Variants in TBC1D23 observed in about 807,000 individuals in gnomAD.
TBC1D23 encodes HCV non-structural protein 4A-transactivated protein 1.
In TBC1D23, 55 loss-of-function variants were observed where a neutral mutation model predicts 91.4. The ratio of observed to expected loss-of-function variants is 0.60; its 90% CI spans 0.48 to 0.75. The LOEUF is 0.75. TBC1D23 is among the 30% of genes least tolerant of loss of function. The pLI is 0.00. For synonymous variants in TBC1D23, 289 were observed against 281.0 expected (o/e 1.03, Z -0.28); for missense variants, 725 against 836.1 (o/e 0.87, Z 1.64).
intron 3 of TBC1D23, among the ~76,000 whole-genome samples, chr3:100,282,676 A>T (rs1245032605): frequency 6.6e-5 from 10 of 152,222 alleles, no homozygotes; most frequent in African/African-American, 1.7e-4. Flanking sequence ...TTAGCTTGAT[A>T]GGCCTATGTG....
chr3:100,291,985 G>A (rs530368274), intron 5 of TBC1D23, among the ~76,000 whole-genome samples: 10 of 152,056 alleles, frequency 6.6e-5, no homozygotes, highest in South Asian at 6.2e-4. Context: ...GGCTGGTCTC[G>A]AACTCCTAAC....
intron 11 of TBC1D23, among the ~76,000 whole-genome samples, chr3:100,303,349 C>G (rs183795022): frequency 6.6e-6 from 1 of 152,046 alleles, no homozygotes; most frequent in Non-Finnish European, 1.5e-5. Context: ...AGAGAAGGAA[C>G]AGGATATTTG....
At chr3:100,278,580 T>G (rs925575664) in intron 1 of TBC1D23, among the ~76,000 whole-genome samples, 1 of 152,068 alleles carries the variant, frequency 6.6e-6, no homozygotes, top group Non-Finnish European at 1.5e-5. Flanking sequence ...GAGACGGGGT[T>G]TCACCATCTT....
At chr3:100,314,583 T>C (rs1355041923) in intron 15 of TBC1D23, among the ~76,000 whole-genome samples, 1 of 152,030 alleles carries the variant, frequency 6.6e-6, no homozygotes, top group Non-Finnish European at 1.5e-5. Flanking sequence ...CTGTGCAGCA[T>C]AGCAAGATCC....
At chr3:100,282,997 A>C (rs988382144) in intron 3 of TBC1D23, among the ~76,000 whole-genome samples, 3 of 152,224 alleles carry the variant, frequency 2.0e-5, no homozygotes, top group Admixed American at 2.0e-4. Context: ...CTCTCTCAAC[A>C]GACTAGGTAA....
intron 1 of TBC1D23, 75 bp from the exon 2 acceptor site, chr3:100,279,574 A>G (rs946253479): frequency 9.8e-7 from 1 of 1,015,774 alleles, no homozygotes; most frequent in Admixed American, 2.5e-5. Flanking sequence ...TTAATAGGCC[A>G]TGCTTATAAA....
intron 7 of TBC1D23, among the ~76,000 whole-genome samples, chr3:100,295,705 G>A (rs1244652754): frequency 6.6e-6 from 1 of 151,962 alleles, no homozygotes; most frequent in East Asian, 1.9e-4. Context: ...TTCTCCTTTT[G>A]GATTCTCCCC....
chr3:100,284,625 T>C (rs1256729732), intron 4 of TBC1D23, among the ~76,000 whole-genome samples: 1 of 151,956 alleles, frequency 6.6e-6, no homozygotes, highest in Non-Finnish European at 1.5e-5. Context: ...GTAAGTGGCA[T>C]TTGAGACCAG....
At chr3:100,304,915 T>C (rs755344794) in intron 12 of TBC1D23, 27 bp downstream of exon 12, 2 of 1,283,842 alleles carry the variant, frequency 1.6e-6, no homozygotes, top group Non-Finnish European at 2.3e-6. Context: ...TTAGTTTTTT[T>C]CCTCTATGTT....
At chr3:100,272,914 T>A (rs2067612356) in intron 1 of TBC1D23, among the ~76,000 whole-genome samples, 2 of 152,026 alleles carry the variant, frequency 1.3e-5, no homozygotes, top group African/African-American at 4.8e-5. Flanking sequence ...AGATGGAACA[T>A]ACAATCGGTT....
intron 1 of TBC1D23, among the ~76,000 whole-genome samples, chr3:100,278,748 C>A (rs940603357): frequency 1.3e-5 from 2 of 152,150 alleles, no homozygotes; most frequent in Non-Finnish European, 2.9e-5. Flanking sequence ...TAAAAGTATT[C>A]TTTTAATTAT....
intron 10 of TBC1D23, among the ~76,000 whole-genome samples, chr3:100,301,018 T>A (rs1705416952): frequency 6.6e-6 from 1 of 152,196 alleles, no homozygotes; most frequent in Admixed American, 6.5e-5. Flanking sequence ...ATGTGGGTTA[T>A]TTTTTGTTTT....
rs1157828551 is a variant in TBC1D23, at chr3:100,293,791, TC to T, written c.601-1294del. Among the ~76,000 whole-genome samples, 890 of 152,206 alleles carry T rather than the reference TC, an allele frequency of 5.8e-3. 11 individuals carry two copies. Among genetic ancestry groups the T allele is most frequent in the African/African-American group, 0.021 (857 of 41,528 alleles). The stretch of plus-strand genomic sequence containing the variant: ...CTGTGAGCTTGAGAAAGTAAAGTAA[TC>T]CAAGTTCCTCGCCTGAAAAAAATGG... On this transcript the variant is annotated intron_variant, in intron 5 of 18. Coordinates refer to ENST00000394144, the MANE Select transcript of TBC1D23 (RefSeq NM_001199198.3).
intron 13 of TBC1D23, among the ~76,000 whole-genome samples, chr3:100,308,826 G>T (rs1158942063): frequency 6.6e-6 from 1 of 152,146 alleles, no homozygotes; most frequent in Non-Finnish European, 1.5e-5. Flanking sequence ...ATTCTAAAGA[G>T]GAATTAATTG....
chr3:100,305,022 G>A (rs1705493982), intron 12 of TBC1D23, 134 bp downstream of exon 12: 3 of 555,290 alleles, frequency 5.4e-6, no homozygotes, highest in African/African-American at 3.9e-5. Flanking sequence ...TTCAGAAAAG[G>A]CAAGGCCAGG....
intron 16 of TBC1D23, among the ~76,000 whole-genome samples, chr3:100,318,648 T>C (rs1027992800): frequency 6.8e-6 from 1 of 146,986 alleles, no homozygotes; most frequent in African/African-American, 2.5e-5. Context: ...GCGTTATTCT[T>C]TTTTTTTTTT....
At chr3:100,295,016 T>C (rs1260999372) in intron 5 of TBC1D23, 71 bp from the exon 6 acceptor site, 19 of 1,380,164 alleles carry the variant, frequency 1.4e-5, no homozygotes, top group Non-Finnish European at 1.9e-5. Flanking sequence ...CTTATTCATT[T>C]GCTTTAATAC....
chr3:100,269,381 T>C (rs2067583420), intron 1 of TBC1D23, among the ~76,000 whole-genome samples: 2 of 152,216 alleles, frequency 1.3e-5, no homozygotes, highest in South Asian at 4.1e-4. Context: ...CCTTGGCATA[T>C]AAATTTGTAA....
At chr3:100,264,737 A>G (rs927074035) in intron 1 of TBC1D23, among the ~76,000 whole-genome samples, 8 of 152,232 alleles carry the variant, frequency 5.3e-5, no homozygotes, top group Non-Finnish European at 1.0e-4. Flanking sequence ...TTGTATATAC[A>G]TTCTTAAAAA....
Sources: allele counts gnomAD v4.1 joint callset (sites outside exome capture counted in the v4.1 genomes callset), GRCh38; gene constraint gnomAD v4.1.1; transcripts MANE v1.5; gene names NCBI Gene and HGNC (gene_info 2026-07-23, HGNC 2026-07-21).